POU2AF1: variants seen among roughly 807,000 people sequenced by gnomAD.
POU2AF1 encodes the protein POU class 2 homeobox associating factor 1, also known as POU domain class 2-associating factor 1.
A neutral mutation model predicts 26.3 loss-of-function variants in POU2AF1; 12 were observed. The observed-to-expected ratio is 0.46, with a 90% CI of 0.29 to 0.74. The LOEUF is 0.74. POU2AF1 is among the 30% of genes least tolerant of loss of function. The probability of loss-of-function intolerance (pLI) is 0.09; values close to 1 mark genes in which losing one functional copy is unlikely to be tolerated. For missense variants in POU2AF1, 297 were observed against 334.5 expected, an observed-to-expected ratio of 0.89 and a Z score of 0.87; for synonymous variants, 175 against 148.0, an observed-to-expected ratio of 1.18 and a Z score of -1.32.
At chr11:111,372,059 C>G (rs376590616) in intron 1 of POU2AF1, among the ~76,000 whole-genome samples, 95,665 of 143,160 alleles carry the variant, frequency 0.67, 32,784 homozygotes, top group Admixed American at 0.78. Flanking sequence ...CACACACACA[C>G]ACACACACAC....
chr11:111,362,777 G>C (rs1273056827), intron 1 of POU2AF1, among the ~76,000 whole-genome samples: 1 of 152,110 alleles, frequency 6.6e-6, no homozygotes, highest in Non-Finnish European at 1.5e-5. Context: ...GGGGGTCTGA[G>C]CACTGTGGTC....
At chr11:111,358,430 T>G (rs1299513601) in intron 2 of POU2AF1, among the ~76,000 whole-genome samples, 1 of 56,836 alleles carries the variant, frequency 1.8e-5, no homozygotes, top group African/African-American at 5.9e-5. Context: ...GCTCACACTC[T>G]CACACTCACT....
intron 4 of POU2AF1, among the ~76,000 whole-genome samples, chr11:111,354,853 C>G (rs1345422554): frequency 6.6e-6 from 1 of 152,218 alleles, no homozygotes; most frequent in Non-Finnish European, 1.5e-5. Flanking sequence ...AAATAGAATA[C>G]AAACAGTAAT....
chr11:111,358,604 T>TCA (rs1491017882), intron 2 of POU2AF1, among the ~76,000 whole-genome samples, 184 bp downstream of exon 2: 1 of 68,586 alleles, frequency 1.5e-5, no homozygotes, highest in African/African-American at 4.0e-5. Flanking sequence ...ACATACACTC[T>TCA]CACACACTGA....
At chr11:111,366,298 T>C (rs1861103609) in intron 1 of POU2AF1, among the ~76,000 whole-genome samples, 1 of 152,222 alleles carries the variant, frequency 6.6e-6, no homozygotes, top group Admixed American at 6.5e-5. Context: ...ATCACTCATA[T>C]ATCCTGCAAT....
At chr11:111,358,972 C>G in intron 1 of POU2AF1, 54 bp from the exon 2 acceptor site, 3 of 1,552,818 alleles carry the variant, frequency 1.9e-6, no homozygotes, top group Non-Finnish European at 2.6e-6. Context: ...GAGCCCCCAC[C>G]CCAAAGTGCT....
At chr11:111,363,980 T>C (rs751515800) in intron 1 of POU2AF1, 12 of 985,328 alleles carry the variant, frequency 1.2e-5, no homozygotes, top group African/African-American at 8.7e-5. Flanking sequence ...CATATTGCCT[T>C]TCTATACCAC....
chr11:111,353,539 C>G lies in POU2AF1; in HGVS notation c.*722G>C. On this transcript the variant is annotated 3_prime_UTR_variant, in exon 5 of 5. Coordinates refer to ENST00000393067, the MANE Select transcript of POU2AF1 (RefSeq NM_006235.3). ...AGATTTTGCTGCCTGGACTGTAAAT[C>G]TGGCCGAGGCTGAGAAGAGCAAACA... The G allele has an allele frequency of 4.3e-6, 1 of 233,394 alleles. No homozygotes were observed. The highest frequency in any genetic ancestry group is 8.5e-6 in the Non-Finnish European group (1 of 118,184). The allele number at this position is 233,394 out of a possible 1,614,324, so 14.5% of individuals were successfully genotyped here.
Position 111,358,815 on chromosome 11 carries a change from G to T in POU2AF1, c.120C>A (p.Ser40Arg). ...ELLRRKRGHASSGAAPAPTAV... is the reference protein window; with the variant it reads ...ELLRRKRGHARSGAAPAPTAV... Reference sequence around the variant, plus strand: ...CCGTAGGTGCAGGTGCTGCCCCACTGCTGGCGTGGCCTCGCTTCCTCCTCA... The same window carrying T: ...CCGTAGGTGCAGGTGCTGCCCCACTTCTGGCGTGGCCTCGCTTCCTCCTCA... The change falls in exon 2 of 5, where the codon AGC becomes AGA. Residue 40 changes from serine to arginine, a missense_variant. By Grantham distance (110) the Ser-to-Arg change is moderately radical. Transcript: ENST00000393067. 6.2e-7 allele frequency: 1 copy of T among 1,604,732 alleles called. No homozygotes were observed.
At chr11:111,358,398 ACACATACTCTCTCACACACACGCT>A (rs1860908498) in intron 2 of POU2AF1, among the ~76,000 whole-genome samples, 1 of 93,838 alleles carries the variant, frequency 1.1e-5, no homozygotes, top group African/African-American at 3.6e-5. Flanking sequence ...ACTCCCTCAC[ACACATACTCTCTCACACACACGCT>A]CACACTCTCA....
At chr11:111,361,490 A>T (rs1861007489) in intron 1 of POU2AF1, among the ~76,000 whole-genome samples, 2 of 152,228 alleles carry the variant, frequency 1.3e-5, no homozygotes, top group Admixed American at 1.3e-4. Flanking sequence ...TTCTTCTCTC[A>T]CACAGTGGTT....
chr11:111,360,467 G>A (rs747197192), intron 1 of POU2AF1, among the ~76,000 whole-genome samples: 1 of 152,226 alleles, frequency 6.6e-6, no homozygotes, highest in Non-Finnish European at 1.5e-5. Flanking sequence ...AAGGCAGAGA[G>A]AAGCTTGGGC....
At chr11:111,364,153 C>A (rs931968077) in intron 1 of POU2AF1, 1 of 198,554 alleles carries the variant, frequency 5.0e-6, no homozygotes, top group African/African-American at 2.4e-5. Flanking sequence ...CTGCCACACA[C>A]CCAGACATGC....
intron 4 of POU2AF1, among the ~76,000 whole-genome samples, chr11:111,356,659 C>G (rs1188188584): frequency 6.6e-6 from 1 of 152,180 alleles, no homozygotes; most frequent in South Asian, 2.1e-4. Context: ...TTCCTTCATT[C>G]CCGGGGGAAG....
intron 2 of POU2AF1, among the ~76,000 whole-genome samples, 147 bp downstream of exon 2, chr11:111,358,633 CTCACACTA>C (rs906454120): frequency 3.2e-4 from 48 of 151,756 alleles, no homozygotes; most frequent in Admixed American, 7.2e-4. Context: ...CACATTCTCT[CTCACACTA>C]TCACACTCTC....
rs540969032 is a variant in POU2AF1, at chr11:111,352,674, G to A, written c.*1587C>T. 3.4e-5 allele frequency: 6 copies of A among 174,498 alleles called. No individual in the cohort carries two copies. The highest frequency in any genetic ancestry group is 2.5e-4 in the Admixed American group (4 of 15,774). 10.8% of individuals were successfully genotyped at this position (174,498 alleles called of 1,614,324 possible). ...TAAAAGGCTGGGTGCGGTGGCTCAC[G>A]CCTGTGATCCCAGCACTCTGAGAGG... On this transcript the variant is annotated 3_prime_UTR_variant, in exon 5 of 5. Coordinates refer to ENST00000393067, the MANE Select transcript of POU2AF1 (RefSeq NM_006235.3).
At position 111,354,205 on chromosome 11, in the gene POU2AF1, C is replaced by T. The variant is rs1207513016; in HGVS notation, c.*56G>A. The T allele has an allele frequency of 8.9e-6, 14 of 1,577,922 alleles. No homozygotes were observed. Among genetic ancestry groups the T allele is most frequent in the Non-Finnish European group, 1.2e-5 (14 of 1,156,364 alleles). On this transcript the variant is annotated 3_prime_UTR_variant, in exon 5 of 5. Coordinates refer to ENST00000393067, the MANE Select transcript of POU2AF1 (RefSeq NM_006235.3). ...ACAAGCATGAACCTGGGGCTCAATT[C>T]CAGGCTCATTTTAAAATCCCAGTTT... is the stretch of plus-strand genomic sequence containing the variant.
chr11:111,368,913 C>G (rs1168905788), intron 1 of POU2AF1, among the ~76,000 whole-genome samples: 1 of 152,212 alleles, frequency 6.6e-6, no homozygotes, highest in African/African-American at 2.4e-5. Flanking sequence ...TGATCTCAGC[C>G]AACAATCCAT....
intron 1 of POU2AF1, chr11:111,360,050 C>T (rs1860976066): frequency 3.9e-6 from 2 of 518,992 alleles, no homozygotes; most frequent in Middle Eastern, 6.4e-4. Flanking sequence ...CCATCAAAGC[C>T]AGGAAACCAA....
Sources: gnomAD v4.1 joint callset for allele counts (sites outside exome capture counted in the v4.1 genomes callset) on GRCh38, gnomAD v4.1.1 for gene constraint, MANE v1.5 for transcripts, NCBI Gene and HGNC (gene_info 2026-07-23, HGNC 2026-07-21) for gene names.